Variants in FBXL18 observed in about 807,000 individuals in gnomAD.
The protein encoded by FBXL18 is F-box and leucine rich repeat protein 18, also known as F-box/LRR-repeat protein 18.
FBXL18 carries 36 observed loss-of-function variants against 46.0 expected under a neutral mutation model. That is an observed-to-expected ratio of 0.78 (90% CI 0.60 to 1.03). The LOEUF is 1.03. FBXL18 is among the 50% of genes least tolerant of loss of function. The pLI is 0.00. For missense variants in FBXL18, 977 were observed against 1,004.1 expected (o/e 0.97, Z 0.36); for synonymous variants, 557 against 465.3 (o/e 1.20, Z -2.54).
chr7:5,505,551 T>G lies in FBXL18; in HGVS notation c.98A>C (p.Asp33Ala), dbSNP rs1198198490. The part of the protein sequence containing the change: ...ADGVHLLGFS[D>A]EILLHILSHV... ...ACTCAGGATGTGAAGGAGGATCTCATCAGAGAACCCTAGGAGGTGGACCCC... is the reference window on the plus strand; with the variant it reads ...ACTCAGGATGTGAAGGAGGATCTCAGCAGAGAACCCTAGGAGGTGGACCCC... The change falls in exon 2 of 5, where the codon GAT becomes GCT. Residue 33 changes from aspartate to alanine, a missense_variant. Asp to Ala is a moderately radical substitution (Grantham distance 126, BLOSUM62 -2). Coordinates refer to ENST00000382368, the MANE Select transcript of FBXL18 (RefSeq NM_024963.6). 5 of 1,613,890 alleles carry G rather than the reference T, an allele frequency of 3.1e-6. No homozygotes were observed. The highest frequency in any genetic ancestry group is 3.4e-6 in the Non-Finnish European group (4 of 1,179,966).
rs1188319231 is a variant in FBXL18, at chr7:5,491,225, A to C, written c.2000+6T>G. The C allele has an allele frequency of 6.2e-7, 1 of 1,607,066 alleles. No individual in the cohort carries two copies. On this transcript the variant is annotated splice_donor_region_variant and intron_variant, in intron 4 of 4. Transcript: ENST00000382368. ...CCTGAAGCTGTACGCAACCCACATC[A>C]CTCACCTGCGGAGAAGCGACTGCTG... is the stretch of plus-strand genomic sequence containing the variant.
rs767457236 is a variant in FBXL18 at position 5,496,245 on chromosome 7, T to G, written c.1781+4243A>C. On this transcript the variant is annotated intron_variant, in intron 3 of 4. Coordinates refer to ENST00000382368, the MANE Select transcript of FBXL18 (RefSeq NM_024963.6). The surrounding 1 kb of genome is among the most constrained non-coding windows in gnomAD (Gnocchi z 4.8). ...TGAGAATATCAAAGGGGTCAAGACC[T>G]GTACACCCATGAAAAGCACCTGGCA... Among the ~76,000 whole-genome samples the G allele has an allele frequency of 6.6e-6, 1 of 152,160 alleles. No individual in the cohort carries two copies. Among genetic ancestry groups the G allele is most frequent in the African/African-American group, 2.4e-5 (1 of 41,434 alleles).
At chr7:5,489,968 T>A in intron 4 of FBXL18, 1 of 1,275,290 alleles carries the variant, frequency 7.8e-7, no homozygotes, top group African/African-American at 1.5e-5. Flanking sequence ...AGAAAAAAGA[T>A]TGATGCATAG....
downstream of FBXL18, among the ~76,000 whole-genome samples, chr7:5,474,686 T>TTTTTTTTTTTTATTTATTTA (rs1554317766): frequency 5.1e-5 from 2 of 39,394 alleles, no homozygotes; most frequent in African/African-American, 2.0e-4. Flanking sequence ...GCACTTTATT[T>TTTTTTTTTTTTATTTATTTA]TTTATTTATT....
intron 1 of FBXL18, among the ~76,000 whole-genome samples, chr7:5,506,870 G>T: frequency 6.6e-6 from 1 of 152,332 alleles, no homozygotes. Flanking sequence ...TTCCATTGCT[G>T]TAGTTCATAT....
At chr7:5,459,861 T>C (rs2128230774) in intron 4 of FBXL18, among the ~76,000 whole-genome samples, 1 of 151,402 alleles carries the variant, frequency 6.6e-6, no homozygotes, top group Non-Finnish European at 1.5e-5. Flanking sequence ...TGCCGTGAGC[T>C]GAGATCACGC....
At position 5,491,408 on chromosome 7, in the gene FBXL18, TG is replaced by T; in HGVS notation, c.1822del (p.Gln608ArgfsTer3). On this transcript the variant is annotated frameshift_variant, in exon 4 of 5. Transcript: ENST00000382368. LOFTEE classifies it high-confidence loss of function. Reference protein sequence around the residue: ...PYFSANAQFFQALSQCPSLQR... With the variant: ...PYFSANAQFFXALSQCPSLQR... ...CAGCGAGGGGCACTGGCTCAGCGCC[TG>T]GAAGAACTGGGCGTTGGCGCTGAAG... The T allele has an allele frequency of 1.2e-6, 2 of 1,602,634 alleles. No individual in the cohort carries two copies. The highest frequency in any genetic ancestry group is 1.7e-6 in the Non-Finnish European group (2 of 1,176,014).
chr7:5,501,731 G>A lies in FBXL18; in HGVS notation c.538C>T (p.Leu180=). ...LSRVRELKQT[L]FTPSYGVVPC... ...ACCACGCCGTAGGAGGGAGTGAACA[G>A]CGTCTGCTTGAGCTCCCGCACGCGG... Residue 180 remains leucine (L), a synonymous_variant, in exon 3 of 5, where the codon CTG becomes TTG. Transcript: ENST00000382368. 1 of 1,573,026 alleles carries A rather than the reference G, an allele frequency of 6.4e-7. No homozygotes were observed. The highest frequency in any genetic ancestry group is 8.6e-7 in the Non-Finnish European group (1 of 1,158,802).
chr7:5,495,543 C>A (rs1784054452), intron 3 of FBXL18, among the ~76,000 whole-genome samples: 1 of 152,202 alleles, frequency 6.6e-6, no homozygotes, highest in African/African-American at 2.4e-5. Flanking sequence ...CTGCACCACC[C>A]CCTCCCTGCC....
intron 1 of FBXL18, among the ~76,000 whole-genome samples, chr7:5,508,649 G>A (rs145850692): frequency 4.9e-4 from 74 of 151,822 alleles, no homozygotes; most frequent in African/African-American, 1.7e-3. Context: ...CAGATTCCTG[G>A]AACCCACCCC....
chr7:5,504,328 G>C (rs982551045), intron 2 of FBXL18, among the ~76,000 whole-genome samples: 2 of 151,288 alleles, frequency 1.3e-5, no homozygotes, highest in Non-Finnish European at 2.9e-5. Flanking sequence ...TACTTAGGAG[G>C]CTGACCCAGG....
At chr7:5,456,641 A>G (rs1055450960) in intron 4 of FBXL18, among the ~76,000 whole-genome samples, 10 of 110,058 alleles carry the variant, frequency 9.1e-5, no homozygotes, top group African/African-American at 3.1e-4. Flanking sequence ...AAGGTATGGA[A>G]AAAAAAAAAA....
At chr7:5,464,806 G>A (rs1194867653) in intron 4 of FBXL18, among the ~76,000 whole-genome samples, 1 of 148,766 alleles carries the variant, frequency 6.7e-6, no homozygotes, top group African/African-American at 2.5e-5. Context: ...GCTCACACCT[G>A]TAATCCCAGC....
At chr7:5,505,803 T>C (rs528563133) in intron 1 of FBXL18, among the ~76,000 whole-genome samples, 173 bp from the exon 2 acceptor site, 4 of 152,328 alleles carry the variant, frequency 2.6e-5, no homozygotes, top group Admixed American at 2.0e-4. Flanking sequence ...AACTCCATTA[T>C]AGAGCTGTAA....
At chr7:5,468,407 A>G (rs7808152) in intron 4 of FBXL18, among the ~76,000 whole-genome samples, 38,887 of 152,002 alleles carry the variant, frequency 0.26, 6,124 homozygotes, top group African/African-American at 0.44. Context: ...GTGAGCCACC[A>G]CGCCCAGCCA....
chr7:5,496,301 C>T lies in FBXL18; in HGVS notation c.1781+4187G>A, dbSNP rs1384963804. The stretch of plus-strand genomic sequence containing the variant: ...CACATGAGCCCAAAGGTCCCCTCCA[C>T]CCGCGGTGGCTGCCGTCACCTCTGC... On this transcript the variant is annotated intron_variant, in intron 3 of 4. Transcript: ENST00000382368. This position sits in a 1 kb window ranked among gnomAD's most constrained non-coding sequence, Gnocchi z 4.8. Among the ~76,000 whole-genome samples, 1 of 152,200 alleles carries T rather than the reference C, an allele frequency of 6.6e-6. No homozygotes were observed. The highest frequency in any genetic ancestry group is 1.5e-5 in the Non-Finnish European group (1 of 68,038).
intron 3 of FBXL18, among the ~76,000 whole-genome samples, chr7:5,492,061 G>T (rs1031727417): frequency 5.9e-5 from 9 of 151,472 alleles, no homozygotes; most frequent in Non-Finnish European, 4.4e-5. Context: ...GGAGGAGGCC[G>T]AGGGGAGTGG....
intron 3 of FBXL18, among the ~76,000 whole-genome samples, chr7:5,492,048 A>G (rs1390889355): frequency 3.3e-5 from 5 of 151,420 alleles, no homozygotes; most frequent in Non-Finnish European, 7.4e-5. Context: ...CTGCAGGGCC[A>G]AAGGAGGAGG....
rs1056036759 is a variant in FBXL18, at chr7:5,477,181, C to A, written c.*4594G>T. Among the ~76,000 whole-genome samples, 11 of 152,124 alleles carry A rather than the reference C, an allele frequency of 7.2e-5. No homozygotes were observed. The highest frequency in any genetic ancestry group is 2.6e-4 in the Admixed American group (4 of 15,272). On this transcript the variant is annotated 3_prime_UTR_variant, in exon 5 of 5. Transcript: ENST00000382368. The surrounding 1 kb of genome is among the most constrained non-coding windows in gnomAD (Gnocchi z 4.4). Reference sequence around the variant, plus strand: ...GGATTACAGGCGTGAGCCACTGCGCCCGGCCAGATCTAGAAACTTCTAACT... The same window carrying A: ...GGATTACAGGCGTGAGCCACTGCGCACGGCCAGATCTAGAAACTTCTAACT...
Sources: gnomAD v4.1 joint callset for allele counts (sites outside exome capture counted in the v4.1 genomes callset) on GRCh38, gnomAD v4.1.1 for gene constraint, Gnocchi (gnomAD v3.1) non-coding constraint, MANE v1.5 for transcripts, NCBI Gene and HGNC (gene_info 2026-07-23, HGNC 2026-07-21) for gene names.